FRMD3: variants seen among roughly 807,000 people sequenced by gnomAD.
FRMD3 encodes FERM domain containing 3, also known as FERM domain-containing protein 3.
FRMD3 carries 33 observed loss-of-function variants against 70.2 expected under a neutral mutation model. That is an observed-to-expected ratio of 0.47 (90% CI 0.36 to 0.63). The LOEUF is 0.63. Among genes scored for constraint, FRMD3 ranks in the 20% least tolerant of loss-of-function variants. The pLI is 0.00. For synonymous variants in FRMD3, 279 were observed against 255.9 expected (o/e 1.09, Z -0.86); for missense variants, 632 against 711.4 (o/e 0.89, Z 1.27).
chr9:83,496,818 A>G (rs1211331430), intron 1 of FRMD3, among the ~76,000 whole-genome samples: 2 of 152,206 alleles, frequency 1.3e-5, no homozygotes, highest in Non-Finnish European at 2.9e-5. Flanking sequence ...GTGTACTTAT[A>G]AAATGTCAGT....
At chr9:83,419,970 G>T (rs1385628263) in intron 1 of FRMD3, among the ~76,000 whole-genome samples, 1 of 152,212 alleles carries the variant, frequency 6.6e-6, no homozygotes, top group African/African-American at 2.4e-5. Flanking sequence ...GTAGACCACG[G>T]ACTAGAAACC....
chr9:83,533,284 T>C (rs1829825939), intron 1 of FRMD3, among the ~76,000 whole-genome samples: 1 of 152,174 alleles, frequency 6.6e-6, no homozygotes, highest in African/African-American at 2.4e-5. Context: ...TAATACTCAG[T>C]AACACAATAA....
chr9:83,571,449 A>C, the FRMD3 span, among the ~76,000 whole-genome samples: 1 of 152,198 alleles, frequency 6.6e-6, no homozygotes. Flanking sequence ...GAGCAACCAA[A>C]AGGATGCAAT....
chr9:83,347,901 A>G (rs1377126225), intron 4 of FRMD3, among the ~76,000 whole-genome samples: 2 of 152,194 alleles, frequency 1.3e-5, no homozygotes, highest in African/African-American at 4.8e-5. Flanking sequence ...GAACATCTTA[A>G]TTACCTTTGG....
chr9:83,579,238 A>C, the FRMD3 span, among the ~76,000 whole-genome samples: 1 of 151,980 alleles, frequency 6.6e-6, no homozygotes, highest in African/African-American at 2.4e-5. Context: ...TATACTACCC[A>C]AAATTGTCTA....
chr9:83,339,161 G>A (rs1190297636), intron 5 of FRMD3, among the ~76,000 whole-genome samples: 1 of 152,166 alleles, frequency 6.6e-6, no homozygotes, highest in East Asian at 1.9e-4. Flanking sequence ...CACTGCAAAT[G>A]TTAGAAAAGT....
chr9:83,309,038 T>C (rs1156605551), intron 10 of FRMD3, among the ~76,000 whole-genome samples: 1 of 152,120 alleles, frequency 6.6e-6, no homozygotes, highest in Non-Finnish European at 1.5e-5. Flanking sequence ...TAAGAAGATC[T>C]GAGCCCAGTT....
chr9:83,291,997 C>G lies in FRMD3; in HGVS notation c.1071-1270G>C, dbSNP rs191705719. On this transcript the variant is annotated intron_variant, in intron 12 of 13. Coordinates refer to ENST00000304195, the MANE Select transcript of FRMD3 (RefSeq NM_174938.6). Reference sequence around the variant, plus strand: ...ATGAGGACTTGCTTAGCCATGGAGTCCTTTTCTTCATTATTTCATTTTACA... The same window carrying G: ...ATGAGGACTTGCTTAGCCATGGAGTGCTTTTCTTCATTATTTCATTTTACA... Among the ~76,000 whole-genome samples the G allele has an allele frequency of 1.4e-3, 208 of 152,126 alleles. 1 individual carries two copies. Among genetic ancestry groups the G allele is most frequent in the African/African-American group, 4.9e-3 (202 of 41,484 alleles).
intron 1 of FRMD3, among the ~76,000 whole-genome samples, chr9:83,520,915 A>G (rs894176269): frequency 1.4e-5 from 2 of 145,160 alleles, no homozygotes; most frequent in Non-Finnish European, 3.0e-5. Flanking sequence ...ACCTGAGATC[A>G]GGAGTTTGAG....
At chr9:83,480,274 A>C (rs2131476710) in intron 1 of FRMD3, among the ~76,000 whole-genome samples, 1 of 152,298 alleles carries the variant, frequency 6.6e-6, no homozygotes, top group African/African-American at 2.4e-5. Flanking sequence ...AAATGAACTA[A>C]AACAACCTGC....
chr9:83,487,553 C>T (rs11140116), intron 1 of FRMD3, among the ~76,000 whole-genome samples: 12,465 of 152,198 alleles, frequency 0.082, 677 homozygotes, highest in East Asian at 0.17. Context: ...TCAAATGCTA[C>T]AATAGTAACA....
chr9:83,334,743 C>A (rs952247960), intron 6 of FRMD3, among the ~76,000 whole-genome samples: 1 of 152,102 alleles, frequency 6.6e-6, no homozygotes, highest in African/African-American at 2.4e-5. Context: ...TCCCAGCAGC[C>A]CATGTAGAGT....
intron 1 of FRMD3, among the ~76,000 whole-genome samples, chr9:83,482,162 G>A (rs976810015): frequency 3.3e-5 from 5 of 152,156 alleles, no homozygotes; most frequent in African/African-American, 7.2e-5. Flanking sequence ...CAAGGAAGGC[G>A]TTCGTTTACA....
At chr9:83,492,311 G>A (rs759417823) in intron 1 of FRMD3, among the ~76,000 whole-genome samples, 10 of 152,202 alleles carry the variant, frequency 6.6e-5, no homozygotes, top group Admixed American at 1.3e-4. Flanking sequence ...AATAAGGCAC[G>A]TCCATTAAGA....
chr9:83,455,398 G>T (rs914390559), intron 1 of FRMD3, among the ~76,000 whole-genome samples: 1 of 152,176 alleles, frequency 6.6e-6, no homozygotes, highest in African/African-American at 2.4e-5. Flanking sequence ...AATCATGGGG[G>T]CTGGTCTTTC....
chr9:83,264,978 A>G (rs564681851), intron 13 of FRMD3, among the ~76,000 whole-genome samples: 1 of 152,318 alleles, frequency 6.6e-6, no homozygotes, highest in African/African-American at 2.4e-5. Context: ...AAATGCATTA[A>G]TTATGAAGAA....
At position 83,309,992 on chromosome 9, in the gene FRMD3, C is replaced by T. The variant is rs114510746; in HGVS notation, c.838-368G>A. ...TCATGACAAGAAAACCCGCAAATTT[C>T]TAGAGCTACCTCTGAGGCTTAATAT... On this transcript the variant is annotated intron_variant, in intron 9 of 13. Coordinates refer to ENST00000304195, the MANE Select transcript of FRMD3 (RefSeq NM_174938.6). Among the ~76,000 whole-genome samples, 596 of 152,310 alleles carry T rather than the reference C, an allele frequency of 3.9e-3. 2 individuals carry two copies. The highest frequency in any genetic ancestry group is 0.013 in the African/African-American group (555 of 41,572).
chr9:83,571,812 C>A, the FRMD3 span, among the ~76,000 whole-genome samples: 5 of 152,184 alleles, frequency 3.3e-5, no homozygotes, highest in Admixed American at 3.3e-4. Context: ...TTCTGTGAAA[C>A]AGGGGAACCT....
intron 1 of FRMD3, among the ~76,000 whole-genome samples, chr9:83,485,624 G>A (rs10746712): frequency 1.1e-4 from 16 of 151,946 alleles, no homozygotes; most frequent in South Asian, 2.1e-4. Context: ...AGAAATTACC[G>A]TCTGGAATCA....
Sources: gnomAD v4.1 joint callset for allele counts (sites outside exome capture counted in the v4.1 genomes callset) on GRCh38, gnomAD v4.1.1 for gene constraint, MANE v1.5 for transcripts, NCBI Gene and HGNC (gene_info 2026-07-23, HGNC 2026-07-21) for gene names.